AFAP1L2: variants seen among roughly 807,000 people sequenced by gnomAD.
The protein encoded by AFAP1L2 is actin filament associated protein 1 like 2, also known as actin filament-associated protein 1-like 2.
In AFAP1L2, 46 loss-of-function variants were observed where a neutral mutation model predicts 99.3. The ratio of observed to expected loss-of-function variants is 0.46; its 90% CI spans 0.37 to 0.59. AFAP1L2 has a LOEUF of 0.59. Among genes scored for constraint, AFAP1L2 ranks in the 20% least tolerant of loss-of-function variants. The pLI, the probability that AFAP1L2 is intolerant of heterozygous loss-of-function variation, is 0.00. For synonymous variants in AFAP1L2, 397 were observed against 419.1 expected (o/e 0.95, Z 0.64); for missense variants, 959 against 1,034.9 (o/e 0.93, Z 1.01).
intron 4 of AFAP1L2, among the ~76,000 whole-genome samples, chr10:114,330,533 A>G (rs544117516): frequency 1.4e-4 from 21 of 152,240 alleles, no homozygotes; most frequent in Non-Finnish European, 2.4e-4. Flanking sequence ...ATACTAGCAC[A>G]GTATGCCACA....
chr10:114,347,208 G>A (rs1168489414), intron 1 of AFAP1L2, among the ~76,000 whole-genome samples: 1 of 152,204 alleles, frequency 6.6e-6, no homozygotes, highest in Non-Finnish European at 1.5e-5. Context: ...AGGAGCCTGT[G>A]ACACTTTCTG....
intron 1 of AFAP1L2, among the ~76,000 whole-genome samples, chr10:114,369,924 C>T (rs2053872057): frequency 6.6e-6 from 1 of 152,162 alleles, no homozygotes; most frequent in Admixed American, 6.5e-5. Flanking sequence ...TTGGGTTCTA[C>T]CTGCCCACAT....
intron 10 of AFAP1L2, among the ~76,000 whole-genome samples, chr10:114,306,450 C>T (rs981434629): frequency 7.0e-6 from 1 of 142,776 alleles, no homozygotes; most frequent in African/African-American, 2.7e-5. Flanking sequence ...TTCTCAGCTT[C>T]AGAACCCATC....
At chr10:114,296,949 C>A in intron 18 of AFAP1L2, 29 bp downstream of exon 18, 3 of 1,613,838 alleles carry the variant, frequency 1.9e-6, no homozygotes, top group Non-Finnish European at 2.5e-6. Flanking sequence ...TTCTGCTGGC[C>A]CCAAGGGAGG....
At chr10:114,292,093 G>A (rs183325967), downstream of AFAP1L2, among the ~76,000 whole-genome samples, 95 of 152,186 alleles carry the variant, frequency 6.2e-4, no homozygotes, top group African/African-American at 1.9e-3. Flanking sequence ...CCTGGCCAAC[G>A]TGGTGAAAGT....
chr10:114,326,111 A>G, intron 4 of AFAP1L2: 1 of 1,200,176 alleles, frequency 8.3e-7, no homozygotes, highest in Non-Finnish European at 1.1e-6. Flanking sequence ...TCATCACCAC[A>G]GGGTCTGTCC....
intron 1 of AFAP1L2, among the ~76,000 whole-genome samples, chr10:114,373,086 T>A (rs1005882147): frequency 1.3e-5 from 2 of 152,156 alleles, no homozygotes; most frequent in South Asian, 2.1e-4. Context: ...TATAAAAAAA[T>A]TTTAAAATTA....
chr10:114,294,607 T>TATG (rs1471852905), downstream of AFAP1L2, among the ~76,000 whole-genome samples: 1 of 152,234 alleles, frequency 6.6e-6, no homozygotes, highest in Non-Finnish European at 1.5e-5. Context: ...TTCACTTATA[T>TATG]ATGATCAATT....
intron 1 of AFAP1L2, among the ~76,000 whole-genome samples, chr10:114,356,189 C>T (rs555370600): frequency 6.6e-6 from 1 of 152,248 alleles, no homozygotes; most frequent in African/African-American, 2.4e-5. Context: ...TAACATGGTG[C>T]ATATTCCCCC....
At chr10:114,358,627 G>A (rs945010820) in intron 1 of AFAP1L2, among the ~76,000 whole-genome samples, 5 of 152,106 alleles carry the variant, frequency 3.3e-5, no homozygotes, top group African/African-American at 1.2e-4. Flanking sequence ...TGAAAATAGA[G>A]CCTTAGGCTG....
At chr10:114,403,700 C>T (rs1054605928) in intron 1 of AFAP1L2, among the ~76,000 whole-genome samples, 1 of 152,172 alleles carries the variant, frequency 6.6e-6, no homozygotes, top group Non-Finnish European at 1.5e-5. Flanking sequence ...GTCCGGCGCA[C>T]CCGGGACGGC....
At chr10:114,381,314 A>G (rs954907158) in intron 1 of AFAP1L2, among the ~76,000 whole-genome samples, 1 of 152,216 alleles carries the variant, frequency 6.6e-6, no homozygotes, top group Non-Finnish European at 1.5e-5. Context: ...CATTCAAAAG[A>G]AAGTTCAGAA....
rs754185830 is a variant in AFAP1L2 at position 114,315,594 on chromosome 10, T to C, written c.578A>G (p.Lys193Arg). ...WRKKWLGQWA[K>R]QLCVIKDNRL... ...GTTGTCCTTGATGACACAGAGCTGCTTGGCCCACTGTCCCAGCCACTTCTT... is the reference window on the plus strand; with the variant it reads ...GTTGTCCTTGATGACACAGAGCTGCCTGGCCCACTGTCCCAGCCACTTCTT... Residue 193 changes from lysine (K) to arginine (R), a missense_variant, in exon 6 of 19, where the codon AAG becomes AGG. By Grantham distance (26) the Lys-to-Arg change is conservative (BLOSUM62 2). Transcript: ENST00000304129. 5 of 1,614,112 alleles carry C rather than the reference T, an allele frequency of 3.1e-6. No individual in the cohort carries two copies. In the East Asian group the frequency reaches 1.1e-4, roughly 36 times the overall value.
chr10:114,315,275 G>C (rs1014879442), intron 6 of AFAP1L2, among the ~76,000 whole-genome samples: 1 of 146,404 alleles, frequency 6.8e-6, no homozygotes, highest in Non-Finnish European at 1.5e-5. Context: ...AGATGTATCT[G>C]TCTCACAAAG....
the AFAP1L2 span, chr10:114,285,976 C>T: frequency 6.2e-7 from 1 of 1,610,414 alleles, no homozygotes; most frequent in Middle Eastern, 1.7e-4. Flanking sequence ...TCGACCTCCT[C>T]TTCCTGCTGG....
chr10:114,285,213 A>G, the AFAP1L2 span, among the ~76,000 whole-genome samples: 1 of 152,292 alleles, frequency 6.6e-6, no homozygotes, highest in Middle Eastern at 3.4e-3. Context: ...CAGAATGGTC[A>G]CTGCTTGAAG....
chr10:114,333,314 A>G lies in AFAP1L2; in HGVS notation c.146-19T>C, dbSNP rs1401269188. 6.2e-7 allele frequency: 1 copy of G among 1,606,206 alleles called. No individual in the cohort carries two copies. Among genetic ancestry groups the G allele is most frequent in the Non-Finnish European group, 8.5e-7 (1 of 1,172,892 alleles). The stretch of plus-strand genomic sequence containing the variant: ...TCAGAGCCTGCAGAAGGAAGGAGAC[A>G]CAGGCTTTGTGTGACTTCCTGAAGA... On this transcript the variant is annotated intron_variant, in intron 2 of 18. Coordinates refer to ENST00000304129, the MANE Select transcript of AFAP1L2 (RefSeq NM_001001936.3).
chr10:114,317,159 A>ACATTTGATTTTACTAAGAAGCG (rs1275641497), intron 5 of AFAP1L2, among the ~76,000 whole-genome samples: 1 of 152,236 alleles, frequency 6.6e-6, no homozygotes, highest in East Asian at 1.9e-4. Context: ...ACTAAGAAGC[A>ACATTTGATTTTACTAAGAAGCG]CGTTTGATTT....
chr10:114,284,929 A>G, the AFAP1L2 span: 18 of 1,605,626 alleles, frequency 1.1e-5, no homozygotes, highest in Middle Eastern at 1.7e-4. Context: ...GACGGCTACC[A>G]GTGCCTCTGC....
Sources: allele counts gnomAD v4.1 joint callset (sites outside exome capture counted in the v4.1 genomes callset), GRCh38; gene constraint gnomAD v4.1.1; transcripts MANE v1.5; gene names NCBI Gene and HGNC (gene_info 2026-07-23, HGNC 2026-07-21).